ARHGAP10: variants seen among roughly 807,000 people sequenced by gnomAD.
ARHGAP10 encodes Rho GTPase activating protein 10.
In ARHGAP10, 87 loss-of-function variants were observed where a neutral mutation model predicts 108.6. The observed-to-expected ratio is 0.80, with a 90% CI of 0.67 to 0.96. The LOEUF (loss-of-function observed/expected upper bound fraction) is 0.96, where lower values mean the gene tolerates loss of function less well. Ranked by LOEUF, ARHGAP10 falls within the 40% of genes least tolerant of loss-of-function variation. The pLI, the probability that ARHGAP10 is intolerant of heterozygous loss-of-function variation, is 0.00. For missense variants in ARHGAP10, 939 were observed against 954.5 expected (o/e 0.98, Z 0.21); for synonymous variants, 347 against 341.1 (o/e 1.02, Z -0.19).
chr4:147,767,146 C>T (rs923013894), intron 1 of ARHGAP10, among the ~76,000 whole-genome samples: 11 of 152,070 alleles, frequency 7.2e-5, no homozygotes, highest in African/African-American at 2.4e-5. Flanking sequence ...CCACCGCGCC[C>T]AGTCTACCTG....
intron 16 of ARHGAP10, among the ~76,000 whole-genome samples, chr4:147,956,206 T>G (rs1738779015): frequency 6.6e-6 from 1 of 152,174 alleles, no homozygotes; most frequent in Non-Finnish European, 1.5e-5. Flanking sequence ...GCTGTAATTG[T>G]ATTTTCATTT....
chr4:147,983,503 CTT>C (rs577734640), intron 18 of ARHGAP10, among the ~76,000 whole-genome samples: 2 of 142,354 alleles, frequency 1.4e-5, no homozygotes, highest in African/African-American at 2.6e-5. Flanking sequence ...TTTTAAAATT[CTT>C]TTTTTTTTTT....
chr4:147,807,577 T>C (rs531229332), intron 1 of ARHGAP10, among the ~76,000 whole-genome samples: 2 of 151,960 alleles, frequency 1.3e-5, no homozygotes, highest in East Asian at 3.9e-4. Flanking sequence ...GGAAAAACAT[T>C]TGACTACCTA....
intron 16 of ARHGAP10, among the ~76,000 whole-genome samples, chr4:147,956,604 A>G (rs1738794587): frequency 6.6e-6 from 1 of 152,188 alleles, no homozygotes; most frequent in South Asian, 2.1e-4. Context: ...AACTGGGGAA[A>G]GAGAAATTAA....
intron 13 of ARHGAP10, among the ~76,000 whole-genome samples, chr4:147,929,646 A>T (rs948222263): frequency 6.6e-6 from 1 of 152,158 alleles, no homozygotes; most frequent in Non-Finnish European, 1.5e-5. Flanking sequence ...GAGTCTCTTC[A>T]TTGCTTTTCT....
chr4:147,889,648 T>C (rs1735710981), intron 10 of ARHGAP10, among the ~76,000 whole-genome samples: 1 of 135,494 alleles, frequency 7.4e-6, no homozygotes, highest in Admixed American at 8.2e-5. Flanking sequence ...ATTGTATATG[T>C]CTAATGTAAA....
At chr4:147,957,480 T>C (rs1433448182) in intron 16 of ARHGAP10, among the ~76,000 whole-genome samples, 2 of 152,198 alleles carry the variant, frequency 1.3e-5, no homozygotes, top group African/African-American at 4.8e-5. Flanking sequence ...ATCGGGATTG[T>C]GGTTAAGCTG....
Position 147,946,687 on chromosome 4 carries a change from C to T in ARHGAP10, c.1374C>T (p.Ala458=), listed in dbSNP as rs1348690464. 1 of 1,609,588 alleles carries T rather than the reference C, an allele frequency of 6.2e-7. No homozygotes were observed. The highest frequency in any genetic ancestry group is 8.5e-7 in the Non-Finnish European group (1 of 1,178,520). The change falls in exon 15 of 23, where the codon GCC becomes GCT. Residue 458 remains alanine, a synonymous_variant. Coordinates refer to ENST00000336498, the MANE Select transcript of ARHGAP10 (RefSeq NM_024605.4). ...ADWEVKTITS[A]LKQYLRSLPE... Reference sequence around the variant, plus strand: ...GGGAAGTGAAGACAATAACAAGTGCCTTGAAACAGTATTTGAGGTAAGCTC... The same window carrying T: ...GGGAAGTGAAGACAATAACAAGTGCTTTGAAACAGTATTTGAGGTAAGCTC...
chr4:148,031,648 A>C (rs775363556), intron 19 of ARHGAP10, among the ~76,000 whole-genome samples: 31 of 152,284 alleles, frequency 2.0e-4, no homozygotes, highest in South Asian at 6.2e-4. Flanking sequence ...AATGCTATTT[A>C]TTTTTTAATT....
At chr4:147,736,725 C>G (rs1728431580) in intron 1 of ARHGAP10, among the ~76,000 whole-genome samples, 1 of 152,128 alleles carries the variant, frequency 6.6e-6, no homozygotes, top group Non-Finnish European at 1.5e-5. Context: ...CGTAGCTGCT[C>G]AATAAAATCA....
Position 147,946,719 on chromosome 4 carries a change from G to T in ARHGAP10, c.1391+15G>T, listed in dbSNP as rs747623122. The T allele has an allele frequency of 1.7e-5, 26 of 1,569,178 alleles. No individual in the cohort carries two copies. The highest frequency in any genetic ancestry group is 2.2e-5 in the Non-Finnish European group (26 of 1,158,124). Reference sequence around the variant, plus strand: ...CAGTATTTGAGGTAAGCTCCTCTCAGTAGCAAGAAAGAAGAATGGACTATT... The same window carrying T: ...CAGTATTTGAGGTAAGCTCCTCTCATTAGCAAGAAAGAAGAATGGACTATT... On this transcript the variant is annotated intron_variant, in intron 15 of 22. Coordinates refer to ENST00000336498, the MANE Select transcript of ARHGAP10 (RefSeq NM_024605.4).
At chr4:147,994,082 C>T (rs1239302675) in intron 18 of ARHGAP10, among the ~76,000 whole-genome samples, 5 of 152,212 alleles carry the variant, frequency 3.3e-5, no homozygotes, top group African/African-American at 9.7e-5. Context: ...AAAGGGATTT[C>T]GGGCAGCTAA....
At chr4:147,911,519 C>T (rs767008835) in intron 12 of ARHGAP10, among the ~76,000 whole-genome samples, 2 of 152,136 alleles carry the variant, frequency 1.3e-5, no homozygotes, top group South Asian at 2.1e-4. Context: ...CCCACCATCA[C>T]GCCCGGCTAA....
intron 10 of ARHGAP10, among the ~76,000 whole-genome samples, chr4:147,898,790 G>T (rs1298444789): frequency 6.8e-6 from 1 of 146,626 alleles, no homozygotes; most frequent in African/African-American, 2.5e-5. Context: ...AACTGTTTCA[G>T]CCTCTGCCTA....
chr4:148,018,362 T>C (rs767234561), intron 18 of ARHGAP10, among the ~76,000 whole-genome samples: 1 of 152,122 alleles, frequency 6.6e-6, no homozygotes, highest in Non-Finnish European at 1.5e-5. Flanking sequence ...AAATCAGTAT[T>C]ATGTTTGTGT....
At chr4:148,064,342 G>T (rs911081224) in intron 21 of ARHGAP10, 74 bp from the exon 22 acceptor site, 2 of 1,363,428 alleles carry the variant, frequency 1.5e-6, no homozygotes, top group East Asian at 2.3e-5. Flanking sequence ...TTTGGGGAAG[G>T]GGGGTTGGGG....
intron 15 of ARHGAP10, among the ~76,000 whole-genome samples, chr4:147,948,361 C>T (rs142242257): frequency 6.6e-6 from 1 of 152,134 alleles, no homozygotes; most frequent in Non-Finnish European, 1.5e-5. Context: ...TAATATCCAG[C>T]ATTCAGTCCA....
chr4:147,876,727 G>A (rs1463950623), intron 8 of ARHGAP10, among the ~76,000 whole-genome samples: 1 of 152,214 alleles, frequency 6.6e-6, no homozygotes, highest in Admixed American at 6.5e-5. Flanking sequence ...TTGCCTTTGA[G>A]AGAAATTGGA....
intron 13 of ARHGAP10, among the ~76,000 whole-genome samples, chr4:147,939,075 CCCT>C (rs1738066952): frequency 1.3e-5 from 2 of 152,170 alleles, no homozygotes; most frequent in Non-Finnish European, 2.9e-5. Flanking sequence ...GATTTTCTTA[CCCT>C]TAATGCTACT....
Sources: gnomAD v4.1 joint callset for allele counts (sites outside exome capture counted in the v4.1 genomes callset) on GRCh38, gnomAD v4.1.1 for gene constraint, MANE v1.5 for transcripts, NCBI Gene and HGNC (gene_info 2026-07-23, HGNC 2026-07-21) for gene names.